SMARCA4: variants seen among roughly 807,000 people sequenced by gnomAD.
SMARCA4 encodes SWI/SNF-related matrix-associated actin-dependent regulator of chromatin subfamily A member 4.
A neutral mutation model predicts 193.9 loss-of-function variants in SMARCA4; 31 were observed. That is an observed-to-expected ratio of 0.16 (90% CI 0.12 to 0.22). The LOEUF is 0.22. Among genes scored for constraint, SMARCA4 ranks in the 10% least tolerant of loss-of-function variants. The pLI is 1.00. For missense variants in SMARCA4, 1,148 were observed against 2,296.0 expected (o/e 0.50, Z 10.22); for synonymous variants, 942 against 933.1 (o/e 1.01, Z -0.17).
rs754797048 is a variant in SMARCA4 at position 10,987,048 on chromosome 19, C to T, written c.859+45C>T. 5 of 1,403,942 alleles carry T rather than the reference C, an allele frequency of 3.6e-6. No homozygotes were observed. The highest frequency in any genetic ancestry group is 5.0e-6 in the Non-Finnish European group (5 of 1,003,220). The allele number at this position is 1,403,942 out of a possible 1,614,324, so 87.0% of individuals were successfully genotyped here. A position where few individuals can be genotyped will look rare whatever the true frequency, so the allele number is the denominator to read the frequency against. Reference sequence around the variant, plus strand: ...GTGGTGCACCCGTGCCCTTACTCCCCATCTCAAGCTTGGGTCCTTGAGATG... The same window carrying T: ...GTGGTGCACCCGTGCCCTTACTCCCTATCTCAAGCTTGGGTCCTTGAGATG... On this transcript the variant is annotated intron_variant, in intron 5 of 34. Transcript: ENST00000344626. This position sits in a 1 kb window ranked among gnomAD's most constrained non-coding sequence, Gnocchi z 5.3.
At chr19:10,991,877 G>A (rs2086591042) in intron 8 of SMARCA4, among the ~76,000 whole-genome samples, 1 of 152,084 alleles carries the variant, frequency 6.6e-6, no homozygotes, top group South Asian at 2.1e-4. Context: ...TTGGGCTTTT[G>A]CTCTGAGTAA....
At chr19:10,980,751 C>A (rs1667602550) in intron 1 of SMARCA4, 1 of 152,106 alleles carries the variant, frequency 6.6e-6, no homozygotes, top group African/African-American at 2.4e-5. Flanking sequence ...TGACCTGGAT[C>A]TTTTTCTCTT....
intron 7 of SMARCA4, 119 bp downstream of exon 7, chr19:10,989,562 C>A: frequency 1.7e-6 from 2 of 1,177,334 alleles, no homozygotes; most frequent in Non-Finnish European, 2.5e-6. Context: ...TGAAAAGCAG[C>A]CGTGGCCATC....
chr19:11,034,052 C>A lies in SMARCA4; in HGVS notation c.3874-71C>A, dbSNP rs2146673825. 1.6e-6 allele frequency: 2 copies of A among 1,218,562 alleles called. No homozygotes were observed. Among genetic ancestry groups the A allele is most frequent in the South Asian group, 1.2e-5 (1 of 83,332 alleles). 75.5% of individuals were successfully genotyped at this position (1,218,562 alleles called of 1,614,324 possible). A position where few individuals can be genotyped will look rare whatever the true frequency, so the allele number is the denominator to read the frequency against. On this transcript the variant is annotated intron_variant, in intron 27 of 34. Transcript: ENST00000344626. This position sits in a 1 kb window ranked among gnomAD's most constrained non-coding sequence, Gnocchi z 7.0. ...CAGCTCATTCCCACGGACGCCGCCGCTCGCCTCTGAGCTCGGCCGCCGCCC... is the reference window on the plus strand; with the variant it reads ...CAGCTCATTCCCACGGACGCCGCCGATCGCCTCTGAGCTCGGCCGCCGCCC...
At chr19:11,023,698 C>T (rs1013930727) in intron 20 of SMARCA4, 67 bp downstream of exon 20, 19 of 984,084 alleles carry the variant, frequency 1.9e-5, no homozygotes, top group African/African-American at 1.8e-4. Flanking sequence ...CAGGGCTGGG[C>T]GTGCTCAGGG....
At chr19:10,993,707 G>A (rs1437986121) in intron 8 of SMARCA4, among the ~76,000 whole-genome samples, 2 of 151,392 alleles carry the variant, frequency 1.3e-5, no homozygotes, top group Admixed American at 1.3e-4. Context: ...GTGCAGTGGC[G>A]CGATCTCGGC....
rs1480510011 is a variant in SMARCA4 at position 10,984,895 on chromosome 19, C to T, written c.223-378C>T. Among the ~76,000 whole-genome samples, 2 of 152,184 alleles carry T rather than the reference C, an allele frequency of 1.3e-5. No individual in the cohort carries two copies. Among genetic ancestry groups the T allele is most frequent in the Non-Finnish European group, 2.9e-5 (2 of 68,032 alleles). ...GGTCACAAGTCTCTTTTGCATGTCC[C>T]TGGATGTGGTTAGAGGACATATTCC... is the stretch of plus-strand genomic sequence containing the variant. On this transcript the variant is annotated intron_variant, in intron 2 of 34. Transcript: ENST00000344626. The surrounding 1 kb of genome is among the most constrained non-coding windows in gnomAD (Gnocchi z 4.3).
intron 8 of SMARCA4, among the ~76,000 whole-genome samples, chr19:10,993,386 T>G (rs1036680867): frequency 7.9e-5 from 12 of 152,366 alleles, no homozygotes; most frequent in Non-Finnish European, 1.5e-4. Flanking sequence ...GTCACCTTTT[T>G]CCTGTTTGAG....
chr19:10,981,449 G>T (rs1416873275), intron 1 of SMARCA4, among the ~76,000 whole-genome samples: 1 of 152,276 alleles, frequency 6.6e-6, no homozygotes, highest in African/African-American at 2.4e-5. Context: ...TCCTGTTTCT[G>T]TAGCAGAATG....
Position 10,985,323 on chromosome 19 carries a change from C to G in SMARCA4, c.273C>G (p.Asn91Lys), listed in dbSNP as rs2145750106. 1 of 1,614,102 alleles carries G rather than the reference C, an allele frequency of 6.2e-7. No homozygotes were observed. Among genetic ancestry groups the G allele is most frequent in the Non-Finnish European group, 8.5e-7 (1 of 1,180,012 alleles). The part of the protein sequence containing the change: ...EKGMSDDPRY[N>K]QMKGMGMRSG... The stretch of plus-strand genomic sequence containing the variant: ...GCATGTCGGACGACCCGCGCTACAA[C>G]CAGATGAAAGGAATGGGGATGCGGT... Residue 91 changes from asparagine (N) to lysine (K), a missense_variant, in exon 3 of 35, where the codon AAC becomes AAG. This residue lies in a region of SMARCA4 where 201 missense variants were observed against 248.3 expected (regional missense o/e 0.81). Coordinates refer to ENST00000344626, the MANE Select transcript of SMARCA4 (RefSeq NM_003072.5). The surrounding 1 kb of genome is among the most constrained non-coding windows in gnomAD (Gnocchi z 4.5).
rs765020699 is a variant in SMARCA4, at chr19:10,986,898, C to T, written c.761-7C>T. The T allele has an allele frequency of 6.2e-7, 1 of 1,604,876 alleles. No homozygotes were observed. Among genetic ancestry groups the T allele is most frequent in the Non-Finnish European group, 8.5e-7 (1 of 1,172,070 alleles). On this transcript the variant is annotated splice_region_variant and splice_polypyrimidine_tract_variant and intron_variant, in intron 4 of 34. Coordinates refer to ENST00000344626, the MANE Select transcript of SMARCA4 (RefSeq NM_003072.5). This position sits in a 1 kb window ranked among gnomAD's most constrained non-coding sequence, Gnocchi z 6.7. ...CTGTTTTCTCTTTTGTTTCTCCCTA[C>T]ATGTAGGTATGGGAGGGCCCAACAT...
intron 16 of SMARCA4, among the ~76,000 whole-genome samples, chr19:11,015,078 G>A (rs1163714262): frequency 6.6e-6 from 1 of 152,156 alleles, no homozygotes; most frequent in African/African-American, 2.4e-5. Flanking sequence ...CTCCCAAAGT[G>A]CTGGGATTAC....
intron 8 of SMARCA4, among the ~76,000 whole-genome samples, chr19:10,992,780 A>G (rs2086670175): frequency 6.6e-6 from 1 of 151,644 alleles, no homozygotes; most frequent in Admixed American, 6.6e-5. Flanking sequence ...AGTAGAGATG[A>G]GGTTTCACTA....
In SMARCA4 at chr19:10,986,327, A is replaced by G. The variant is rs2145775933; in HGVS notation, c.494A>G (p.Gln165Arg). 1 of 1,613,548 alleles carries G rather than the reference A, an allele frequency of 6.2e-7. No individual in the cohort carries two copies. The highest frequency in any genetic ancestry group is 8.5e-7 in the Non-Finnish European group (1 of 1,179,928). Residue 165 changes from glutamine to arginine, a missense_variant, in exon 4 of 35, where the codon CAG becomes CGG. Physicochemically the swap from Gln to Arg is conservative, Grantham distance 43 (BLOSUM62 1). Transcript: ENST00000344626. The surrounding 1 kb of genome is among the most constrained non-coding windows in gnomAD (Gnocchi z 6.7). ...DGADPQALGQ[Q>R]NRGPTPFNQN... ...GCTGACCCCCAGGCCTTGGGGCAGC[A>G]GAACCGGGGCCCAACCCCATTTAAC...
At chr19:11,043,430 C>T (rs2075731863) in intron 30 of SMARCA4, among the ~76,000 whole-genome samples, 1 of 152,194 alleles carries the variant, frequency 6.6e-6, no homozygotes, top group Non-Finnish European at 1.5e-5. Context: ...GACTCTAATT[C>T]ACAAACCTAA....
chr19:11,051,491 C>CTTTT (rs554212827), intron 30 of SMARCA4, among the ~76,000 whole-genome samples: 4 of 133,528 alleles, frequency 3.0e-5, no homozygotes, highest in African/African-American at 8.6e-5. Context: ...GACATATTTC[C>CTTTT]TTTTTTTTTT....
chr19:11,024,273 G>A (rs1208796704), intron 20 of SMARCA4, 58 bp from the exon 21 acceptor site: 5 of 1,197,144 alleles, frequency 4.2e-6, no homozygotes, highest in South Asian at 1.2e-5. Flanking sequence ...GGTTCGGATG[G>A]GGGGAGTCAG....
chr19:10,962,463 G>A (rs187886827), intron 1 of SMARCA4, among the ~76,000 whole-genome samples: 141 of 152,222 alleles, frequency 9.3e-4, no homozygotes, highest in Non-Finnish European at 1.6e-3. Context: ...GGGACACAGC[G>A]GACAGGCAGG....
At chr19:11,046,996 A>G (rs2075968839) in intron 30 of SMARCA4, among the ~76,000 whole-genome samples, 2 of 151,786 alleles carry the variant, frequency 1.3e-5, no homozygotes, top group African/African-American at 4.8e-5. Flanking sequence ...CCATTTAGCA[A>G]TAATTTCAAA....
Sources: allele counts gnomAD v4.1 joint callset (sites outside exome capture counted in the v4.1 genomes callset), GRCh38; gene constraint gnomAD v4.1.1; regional missense constraint gnomAD v4.1.1; non-coding constraint Gnocchi (gnomAD v3.1); transcripts MANE v1.5; gene names NCBI Gene and HGNC (gene_info 2026-07-23, HGNC 2026-07-21).